Variants in FHOD3 observed in about 807,000 individuals in gnomAD.
The protein encoded by FHOD3 is formin homology 2 domain containing 3.
A neutral mutation model predicts 173.0 loss-of-function variants in FHOD3; 90 were observed. The observed-to-expected ratio is 0.52, with a 90% CI of 0.44 to 0.62. The LOEUF (loss-of-function observed/expected upper bound fraction) is 0.62, where lower values mean the gene tolerates loss of function less well. Among genes scored for constraint, FHOD3 ranks in the 20% least tolerant of loss-of-function variants. The pLI is 0.00. For synonymous variants in FHOD3, 828 were observed against 823.0 expected, an observed-to-expected ratio of 1.01 and a Z score of -0.10; for missense variants, 1,945 against 2,034.7, an observed-to-expected ratio of 0.96 and a Z score of 0.85.
chr18:36,385,431 C>CTGT (rs1490444755), intron 3 of FHOD3, among the ~76,000 whole-genome samples: 2 of 152,138 alleles, frequency 1.3e-5, no homozygotes, highest in Admixed American at 1.3e-4. Context: ...GAGTCTTGCT[C>CTGT]TGTTGCCCAG....
At chr18:36,472,414 T>G (rs1036255352) in intron 3 of FHOD3, among the ~76,000 whole-genome samples, 1 of 152,210 alleles carries the variant, frequency 6.6e-6, no homozygotes, top group Non-Finnish European at 1.5e-5. Flanking sequence ...TGAGATATAA[T>G]TTACATACCA....
chr18:36,361,696 A>G (rs556853564), intron 2 of FHOD3, among the ~76,000 whole-genome samples: 1 of 151,784 alleles, frequency 6.6e-6, no homozygotes, highest in African/African-American at 2.4e-5. Flanking sequence ...AAAAAAAAAA[A>G]AAAAAGAAAA....
intron 14 of FHOD3, among the ~76,000 whole-genome samples, chr18:36,678,957 C>G (rs969591046): frequency 2.0e-5 from 3 of 151,782 alleles, no homozygotes; most frequent in African/African-American, 7.3e-5. Flanking sequence ...GAGATTTTTT[C>G]TTCTTTATGT....
At chr18:36,609,164 A>G (rs2032398188) in intron 8 of FHOD3, among the ~76,000 whole-genome samples, 1 of 152,260 alleles carries the variant, frequency 6.6e-6, no homozygotes, top group Non-Finnish European at 1.5e-5. Context: ...AGTGTCAGGC[A>G]GCTATGCTCG....
Position 36,450,470 on chromosome 18 carries a change from TA to T in FHOD3, c.338-51461del, listed in dbSNP as rs1568287480. ...TTATTTATTTATTTATTTATTTATT[TA>T]TTTATTTATTTATTTAATTTTTAAA... is the stretch of plus-strand genomic sequence containing the variant. On this transcript the variant is annotated intron_variant, in intron 3 of 28. Coordinates refer to ENST00000590592, the MANE Select transcript of FHOD3 (RefSeq NM_001281740.3). 4.0e-3 allele frequency among the ~76,000 whole-genome samples: 512 copies of T among 127,540 alleles called. 6 individuals are homozygous for T. The highest frequency in any genetic ancestry group is 0.04 in the East Asian group (122 of 3,080). 83.7% of individuals were successfully genotyped at this position (127,540 alleles called of 152,430 possible).
At position 36,547,841 on chromosome 18, in the gene FHOD3, G is replaced by T. The variant is rs2057476412; in HGVS notation, c.512-28610G>T. On this transcript the variant is annotated intron_variant, in intron 5 of 28. Transcript: ENST00000590592. ...AGGTTGGTTGTTTTGAGCTAAGCCTGGAAAGAAAACAGGATTAAAGCAGAG... is the reference window on the plus strand; with the variant it reads ...AGGTTGGTTGTTTTGAGCTAAGCCTTGAAAGAAAACAGGATTAAAGCAGAG... Among the ~76,000 whole-genome samples, 5 of 152,250 alleles carry T rather than the reference G, an allele frequency of 3.3e-5. No individual in the cohort carries two copies. The South Asian group carries it at 1.0e-3, about 32-fold the overall frequency.
Position 36,658,072 on chromosome 18 carries a change from T to TA in FHOD3, c.1722-2dup. On this transcript the variant is annotated splice_region_variant and splice_polypyrimidine_tract_variant and intron_variant, in intron 13 of 28. Coordinates refer to ENST00000590592, the MANE Select transcript of FHOD3 (RefSeq NM_001281740.3). ...CCCCAACTTAAACCTCTGCACTTCT[T>TA]AGATACAGCAATTTTGGCAATAACT... The TA allele has an allele frequency of 1.9e-6, 3 of 1,604,792 alleles. No homozygotes were observed. Among genetic ancestry groups the TA allele is most frequent in the Non-Finnish European group, 2.6e-6 (3 of 1,174,786 alleles).
chr18:36,511,155 GTTT>G (rs778085271), intron 4 of FHOD3, among the ~76,000 whole-genome samples: 7 of 151,972 alleles, frequency 4.6e-5, no homozygotes, highest in Non-Finnish European at 1.0e-4. Flanking sequence ...CATCACTGAG[GTTT>G]TTTATTTTTG....
chr18:36,603,144 A>C (rs2031620152), intron 8 of FHOD3, among the ~76,000 whole-genome samples: 1 of 152,144 alleles, frequency 6.6e-6, no homozygotes, highest in Non-Finnish European at 1.5e-5. Context: ...CTAGTCTTTC[A>C]AACTGAGACA....
At chr18:36,562,279 A>C (rs1432779279) in intron 5 of FHOD3, among the ~76,000 whole-genome samples, 4 of 152,142 alleles carry the variant, frequency 2.6e-5, no homozygotes, top group Non-Finnish European at 5.9e-5. Context: ...GGCCTCCCAA[A>C]GTGCTGTGAT....
At chr18:36,620,144 A>T (rs1314891718) in intron 9 of FHOD3, among the ~76,000 whole-genome samples, 1 of 152,212 alleles carries the variant, frequency 6.6e-6, no homozygotes, top group African/African-American at 2.4e-5. Flanking sequence ...AATTCCTTCC[A>T]TTGGTACAAG....
intron 14 of FHOD3, among the ~76,000 whole-genome samples, chr18:36,665,255 C>G (rs1020001157): frequency 1.4e-4 from 21 of 152,114 alleles, no homozygotes; most frequent in African/African-American, 4.8e-4. Context: ...ATGTAGGATA[C>G]ACAAGTCTTA....
intron 3 of FHOD3, among the ~76,000 whole-genome samples, chr18:36,489,588 C>T (rs1233066356): frequency 6.6e-6 from 1 of 152,112 alleles, no homozygotes; most frequent in Non-Finnish European, 1.5e-5. Context: ...GGGAGGGTCA[C>T]TTGAGCCTGG....
At chr18:36,614,599 T>G (rs2148656064) in intron 9 of FHOD3, among the ~76,000 whole-genome samples, 1 of 152,276 alleles carries the variant, frequency 6.6e-6, no homozygotes, top group South Asian at 2.1e-4. Flanking sequence ...GCTGTCCCAT[T>G]TTATATTCCT....
chr18:36,390,724 A>G (rs1248622148), intron 3 of FHOD3, among the ~76,000 whole-genome samples: 1 of 152,168 alleles, frequency 6.6e-6, no homozygotes, highest in Non-Finnish European at 1.5e-5. Context: ...AAAACTTCCT[A>G]CCTGAGTGAC....
In FHOD3 at chr18:36,570,994, A is replaced by G. The variant is rs143029362; in HGVS notation, c.512-5457A>G. Among the ~76,000 whole-genome samples, 16 of 152,264 alleles carry G rather than the reference A, an allele frequency of 1.1e-4. 1 individual carries two copies. Among genetic ancestry groups the G allele is most frequent in the South Asian group, 1.0e-3 (5 of 4,824 alleles). ...TGTTCACTCTCACCACGCCCATTGA[A>G]TATTATACTGAAAGTCTTCACTAGT... On this transcript the variant is annotated intron_variant, in intron 5 of 28. Transcript: ENST00000590592.
intron 27 of FHOD3, among the ~76,000 whole-genome samples, chr18:36,763,121 G>A: frequency 6.9e-6 from 1 of 144,936 alleles, no homozygotes; most frequent in South Asian, 2.2e-4. Flanking sequence ...TATATAATAT[G>A]TGTATTATAC....
intron 6 of FHOD3, among the ~76,000 whole-genome samples, chr18:36,593,903 T>A (rs2029873210): frequency 6.6e-6 from 1 of 152,266 alleles, no homozygotes; most frequent in South Asian, 2.1e-4. Flanking sequence ...ACCTTGCTGT[T>A]TCTCGGCTGC....
intron 10 of FHOD3, among the ~76,000 whole-genome samples, chr18:36,636,493 T>G (rs900468832): frequency 6.6e-6 from 1 of 152,142 alleles, no homozygotes; most frequent in Non-Finnish European, 1.5e-5. Flanking sequence ...TGGGCACATT[T>G]GGGATGATTC....
Sources: gnomAD v4.1 joint callset for allele counts (sites outside exome capture counted in the v4.1 genomes callset) on GRCh38, gnomAD v4.1.1 for gene constraint, MANE v1.5 for transcripts, NCBI Gene and HGNC (gene_info 2026-07-23, HGNC 2026-07-21) for gene names.